The following WAPL variants were observed in gnomAD, a reference collection of about 807,000 sequenced individuals.
WAPL encodes WAPL cohesin release factor.
Under a neutral mutation model 121.0 loss-of-function variants are expected in WAPL, and 5 were observed. The ratio of observed to expected loss-of-function variants is 0.04; its 90% CI spans 0.02 to 0.09. The LOEUF (loss-of-function observed/expected upper bound fraction) is 0.09. WAPL is among the 10% of genes least tolerant of loss of function. The pLI, the probability that WAPL is intolerant of heterozygous loss-of-function variation, is 1.00. For missense variants in WAPL, 999 were observed against 1,410.8 expected (o/e 0.71, Z 4.68); for synonymous variants, 480 against 481.5 (o/e 1.00, Z 0.04).
At chr10:86,498,240 C>T (rs1240195492) in intron 3 of WAPL, among the ~76,000 whole-genome samples, 2 of 152,154 alleles carry the variant, frequency 1.3e-5, no homozygotes, top group African/African-American at 4.8e-5. Context: ...TACAGCAGGA[C>T]AAGGGCGCTG....
chr10:86,467,960 G>T (rs1291812588), intron 8 of WAPL, among the ~76,000 whole-genome samples: 2 of 152,040 alleles, frequency 1.3e-5, no homozygotes, highest in Non-Finnish European at 2.9e-5. Flanking sequence ...TAACAGGTGT[G>T]AGCCACCACG....
At chr10:86,502,316 G>T (rs941358831) in intron 2 of WAPL, among the ~76,000 whole-genome samples, 4 of 152,160 alleles carry the variant, frequency 2.6e-5, no homozygotes, top group Non-Finnish European at 5.9e-5. Flanking sequence ...CTTAGAGATG[G>T]AATGACTAAG....
intron 4 of WAPL, among the ~76,000 whole-genome samples, chr10:86,483,570 A>G (rs957526172): frequency 6.6e-5 from 10 of 152,082 alleles, no homozygotes; most frequent in African/African-American, 1.2e-4. Context: ...AAAACAAAAA[A>G]AAGTTCATTG....
At chr10:86,466,217 A>C (rs78995654) in intron 9 of WAPL, among the ~76,000 whole-genome samples, 4 of 152,298 alleles carry the variant, frequency 2.6e-5, no homozygotes, top group African/African-American at 9.6e-5. Context: ...GGGTTCTTCA[A>C]GTCCCATGAA....
chr10:86,462,047 A>G (rs1442484676), intron 9 of WAPL, among the ~76,000 whole-genome samples: 1 of 152,200 alleles, frequency 6.6e-6, no homozygotes, highest in Non-Finnish European at 1.5e-5. Flanking sequence ...CCACCACCAG[A>G]AGAGTACAAA....
chr10:86,496,104 A>C (rs180945525), intron 4 of WAPL, among the ~76,000 whole-genome samples: 305 of 152,328 alleles, frequency 2.0e-3, no homozygotes, highest in African/African-American at 6.8e-3. Flanking sequence ...ACAAGAGCGA[A>C]ACTCCATCTA....
chr10:86,458,969 C>T lies in WAPL; in HGVS notation c.2657+20G>A. 1.3e-6 allele frequency: 2 copies of T among 1,572,914 alleles called. No individual in the cohort carries two copies. Among genetic ancestry groups the T allele is most frequent in the Admixed American group, 3.5e-5 (2 of 57,122 alleles). Reference sequence around the variant, plus strand: ...AATAAGTAACAATGTTAGTTGTTAACTAATAAACAAAAAACTTACTTAGCT... The same window carrying T: ...AATAAGTAACAATGTTAGTTGTTAATTAATAAACAAAAAACTTACTTAGCT... On this transcript the variant is annotated intron_variant, in intron 12 of 18. Transcript: ENST00000298767.
chr10:86,461,080 C>A (rs1841260995), intron 10 of WAPL, 96 bp downstream of exon 10: 10 of 993,858 alleles, frequency 1.0e-5, no homozygotes, highest in Admixed American at 4.6e-5. Context: ...ATAGACATTT[C>A]CAAACTGATA....
At chr10:86,483,293 G>A (rs1156257108) in intron 4 of WAPL, among the ~76,000 whole-genome samples, 2 of 152,070 alleles carry the variant, frequency 1.3e-5, no homozygotes, top group Non-Finnish European at 2.9e-5. Flanking sequence ...GGAGGTGCAT[G>A]CCTGTAATCC....
chr10:86,470,057 G>C (rs1292025974), intron 8 of WAPL, among the ~76,000 whole-genome samples: 9 of 150,156 alleles, frequency 6.0e-5, no homozygotes, highest in Admixed American at 6.0e-4. Context: ...TTTTGAGACA[G>C]AGTCTCGCTC....
intron 11 of WAPL, among the ~76,000 whole-genome samples, chr10:86,459,697 A>G (rs1055472572): frequency 6.6e-6 from 1 of 152,244 alleles, no homozygotes; most frequent in African/African-American, 2.4e-5. Context: ...AAACAATCTG[A>G]CTCAAATAAA....
chr10:86,504,164 ACT>A (rs1338200929), intron 2 of WAPL, among the ~76,000 whole-genome samples: 3 of 152,130 alleles, frequency 2.0e-5, no homozygotes, highest in Non-Finnish European at 2.9e-5. Flanking sequence ...ACAGAGCAAG[ACT>A]CTGCCTCAAA....
intron 2 of WAPL, among the ~76,000 whole-genome samples, chr10:86,516,308 T>G (rs1013794774): frequency 1.3e-5 from 2 of 152,210 alleles, no homozygotes; most frequent in Non-Finnish European, 2.9e-5. Flanking sequence ...AGCTGGCTCA[T>G]CGTCTCATCC....
rs983049588 is a variant in WAPL, at chr10:86,508,823, C to T, written c.500-8080G>A. Among the ~76,000 whole-genome samples the T allele has an allele frequency of 3.5e-5, 5 of 142,028 alleles. No homozygotes were observed. In the Admixed American group the frequency reaches 3.7e-4, roughly 10 times the overall value. The allele number at this position is 142,028 out of a possible 152,430, so 93.2% of individuals were successfully genotyped here. A position where few individuals can be genotyped will look rare whatever the true frequency, so the allele number is the denominator to read the frequency against. Reference sequence around the variant, plus strand: ...AGGCTGGAGTGCAGTGGCGCGATCTCGGCTCACTGCAAGCTCCGCCTCCAG... The same window carrying T: ...AGGCTGGAGTGCAGTGGCGCGATCTTGGCTCACTGCAAGCTCCGCCTCCAG... On this transcript the variant is annotated intron_variant, in intron 2 of 18. Transcript: ENST00000298767.
chr10:86,509,979 T>G (rs549882497), intron 2 of WAPL, among the ~76,000 whole-genome samples: 1 of 151,270 alleles, frequency 6.6e-6, no homozygotes, highest in Admixed American at 6.6e-5. Context: ...TTGGCCAGGC[T>G]GGTCTCGAAC....
intron 2 of WAPL, among the ~76,000 whole-genome samples, chr10:86,503,081 C>A (rs1303911170): frequency 2.6e-5 from 4 of 152,114 alleles, no homozygotes; most frequent in African/African-American, 7.2e-5. Context: ...CTGCTTGAAC[C>A]CGGGAGGCAG....
In WAPL at chr10:86,445,734, G is replaced by A. The variant is rs118099159; in HGVS notation, c.3322+508C>T. Among the ~76,000 whole-genome samples, 678 of 152,022 alleles carry A rather than the reference G, an allele frequency of 4.5e-3. 29 individuals carry two copies. The East Asian group carries it at 0.11, about 25-fold the overall frequency. On this transcript the variant is annotated intron_variant, in intron 16 of 18. Coordinates refer to ENST00000298767, the MANE Select transcript of WAPL (RefSeq NM_015045.5). The stretch of plus-strand genomic sequence containing the variant: ...AGGGATGGGGTCTTGCTAGATTGTT[G>A]TCTCAAACTCCTAGCCTCAAGTAAT...
rs773139560 is a variant in WAPL at position 86,517,854 on chromosome 10, A to C, written c.216T>G (p.Pro72=). The C allele has an allele frequency of 1.2e-6, 2 of 1,614,192 alleles. No individual in the cohort carries two copies. Among genetic ancestry groups the C allele is most frequent in the East Asian group, 2.2e-5 (1 of 44,878 alleles). Reference sequence around the variant, plus strand: ...ACTCATCATCACTATCAAATCCAAAAGGATCTCCAGTACTTTCTTCTTCCA... The same window carrying C: ...ACTCATCATCACTATCAAATCCAAACGGATCTCCAGTACTTTCTTCTTCCA... ...PKVEEESTGD[P]FGFDSDDESL... The change falls in exon 2 of 19, where the codon CCT becomes CCG. Residue 72 remains proline, a synonymous_variant. Coordinates refer to ENST00000298767, the MANE Select transcript of WAPL (RefSeq NM_015045.5).
chr10:86,518,408 T>G (rs1464620094), intron 1 of WAPL, among the ~76,000 whole-genome samples: 1 of 152,246 alleles, frequency 6.6e-6, no homozygotes, highest in Non-Finnish European at 1.5e-5. Context: ...CCAAATGAAT[T>G]AATTTACTAT....
Sources: allele counts gnomAD v4.1 joint callset (sites outside exome capture counted in the v4.1 genomes callset), GRCh38; gene constraint gnomAD v4.1.1; transcripts MANE v1.5; gene names NCBI Gene and HGNC (gene_info 2026-07-23, HGNC 2026-07-21).